Variants in NUP210 observed in about 807,000 individuals in gnomAD.
NUP210 encodes nuclear pore membrane glycoprotein 210.
A neutral mutation model predicts 196.0 loss-of-function variants in NUP210; 151 were observed. The observed-to-expected ratio is 0.77, with a 90% CI of 0.67 to 0.88. The LOEUF (loss-of-function observed/expected upper bound fraction) is 0.88, where lower values mean the gene tolerates loss of function less well. Among genes scored for constraint, NUP210 ranks in the 40% least tolerant of loss-of-function variants. The pLI is 0.00. For synonymous variants in NUP210, 1,070 were observed against 1,052.7 expected, an observed-to-expected ratio of 1.02 and a Z score of -0.32; for missense variants, 2,314 against 2,493.7, an observed-to-expected ratio of 0.93 and a Z score of 1.53.
At chr3:13,375,386 G>C (rs1698865849) in intron 11 of NUP210, 118 bp downstream of exon 11, 1 of 978,882 alleles carries the variant, frequency 1.0e-6, no homozygotes, top group African/African-American at 1.6e-5. Flanking sequence ...TAAAGACTGT[G>C]ATTTAAAATT....
At chr3:13,332,739 A>T (rs547510847) in intron 28 of NUP210, among the ~76,000 whole-genome samples, 2 of 110,156 alleles carry the variant, frequency 1.8e-5, no homozygotes, top group Non-Finnish European at 4.0e-5. Context: ...ACACACACAC[A>T]CACATGGCCA....
Position 13,335,631 on chromosome 3 carries a change from C to T in NUP210, c.3685-19G>A, listed in dbSNP as rs771872535. On this transcript the variant is annotated intron_variant, in intron 27 of 39. Coordinates refer to ENST00000254508, the MANE Select transcript of NUP210 (RefSeq NM_024923.4). Reference sequence around the variant, plus strand: ...TCGACGCCTGGGAAGACATCAAACACGTTTTCAGGGGTAAGGCCCAGGCCC... The same window carrying T: ...TCGACGCCTGGGAAGACATCAAACATGTTTTCAGGGGTAAGGCCCAGGCCC... 56 of 1,612,424 alleles carry T rather than the reference C, an allele frequency of 3.5e-5. 1 individual carries two copies. The South Asian group carries it at 4.2e-4, about 12-fold the overall frequency.
chr3:13,332,702 G>A (rs898744487), intron 28 of NUP210, among the ~76,000 whole-genome samples: 1 of 149,276 alleles, frequency 6.7e-6, no homozygotes, highest in African/African-American at 2.5e-5. Flanking sequence ...ACTCCAGTCT[G>A]AGCAACAGAG....
intron 16 of NUP210, among the ~76,000 whole-genome samples, chr3:13,357,320 T>C (rs1698202454): frequency 6.6e-6 from 1 of 152,162 alleles, no homozygotes; most frequent in Non-Finnish European, 1.5e-5. Context: ...CCCACTCCGC[T>C]CCTCCTGAGC....
In NUP210 at chr3:13,337,650, C is replaced by T. The variant is rs574521662; in HGVS notation, c.3552+187G>A. On this transcript the variant is annotated intron_variant, in intron 26 of 39. Transcript: ENST00000254508. ...GGGAAGGTGACAGGCCAGCAGGAAG[C>T]AGGCCTTCATCAGTGGCTACCAGAG... Among the ~76,000 whole-genome samples the T allele has an allele frequency of 2.6e-5, 4 of 152,312 alleles. 1 individual carries two copies. The highest frequency in any genetic ancestry group is 2.1e-4 in the South Asian group (1 of 4,826).
intron 12 of NUP210, among the ~76,000 whole-genome samples, chr3:13,372,903 G>A (rs2124911573): frequency 6.6e-6 from 1 of 152,302 alleles, no homozygotes; most frequent in East Asian, 1.9e-4. Context: ...AGGGGAAACT[G>A]GGGTGAGAGG....
rs1207406356 is a variant in NUP210 at position 13,388,283 on chromosome 3, C to A, written c.684+20G>T. 1.9e-6 allele frequency: 3 copies of A among 1,578,466 alleles called. No homozygotes were observed. The East Asian group carries it at 6.8e-5, about 36-fold the overall frequency. On this transcript the variant is annotated intron_variant, in intron 5 of 39. Coordinates refer to ENST00000254508, the MANE Select transcript of NUP210 (RefSeq NM_024923.4). ...TTCCACCCCAGGAAGCCCACTGACA[C>A]CCCAGCGCCCCAGGCCCACCTTGTA...
chr3:13,367,224 G>C (rs113943728), intron 13 of NUP210, among the ~76,000 whole-genome samples: 5,363 of 152,184 alleles, frequency 0.035, 143 homozygotes, highest in East Asian at 0.075. Context: ...ATCACCTGAG[G>C]TCGGGAGTTT....
chr3:13,387,471 CG>C (rs1699313697), intron 5 of NUP210, among the ~76,000 whole-genome samples: 1 of 152,222 alleles, frequency 6.6e-6, no homozygotes, highest in Non-Finnish European at 1.5e-5. Flanking sequence ...CAGAGTCCTA[CG>C]GGATTAGCCC....
Position 13,376,276 on chromosome 3 carries a change from G to T in NUP210, c.1293+15C>A. 1 of 1,612,888 alleles carries T rather than the reference G, an allele frequency of 6.2e-7. No homozygotes were observed. The highest frequency in any genetic ancestry group is 8.5e-7 in the Non-Finnish European group (1 of 1,179,944). The stretch of plus-strand genomic sequence containing the variant: ...TCATAGGACAAGGCACGACGCAGGG[G>T]AGACACCAACTTGCCTGGTCCACCA... On this transcript the variant is annotated intron_variant, in intron 10 of 39. Transcript: ENST00000254508.
At chr3:13,374,378 A>G (rs1210572471) in intron 11 of NUP210, among the ~76,000 whole-genome samples, 3 of 152,128 alleles carry the variant, frequency 2.0e-5, no homozygotes, top group Non-Finnish European at 4.4e-5. Flanking sequence ...TCGCACCAAT[A>G]CACTCAAACA....
chr3:13,416,481 G>A (rs931448704), intron 1 of NUP210, among the ~76,000 whole-genome samples: 3 of 152,192 alleles, frequency 2.0e-5, no homozygotes, highest in African/African-American at 2.4e-5. Context: ...TGGTCTCTTC[G>A]CCTGAAGGCA....
chr3:13,341,317 G>C (rs771213722), intron 23 of NUP210, among the ~76,000 whole-genome samples: 1 of 152,164 alleles, frequency 6.6e-6, no homozygotes, highest in South Asian at 2.1e-4. Context: ...CTCTGCTCAC[G>C]CAGCCCCTGT....
chr3:13,417,690 G>GA (rs1366056538), intron 1 of NUP210, among the ~76,000 whole-genome samples: 2 of 152,152 alleles, frequency 1.3e-5, no homozygotes, highest in Admixed American at 6.6e-5. Context: ...AGTTAAGGGG[G>GA]AATCACAATT....
At chr3:13,419,247 G>A (rs1419338889) in intron 1 of NUP210, among the ~76,000 whole-genome samples, 1 of 152,222 alleles carries the variant, frequency 6.6e-6, no homozygotes, top group Non-Finnish European at 1.5e-5. Flanking sequence ...GGCTGGGCTG[G>A]GAAGCTAAGG....
At chr3:13,333,838 G>A (rs1371526242) in intron 28 of NUP210, among the ~76,000 whole-genome samples, 1 of 152,128 alleles carries the variant, frequency 6.6e-6, no homozygotes, top group Non-Finnish European at 1.5e-5. Context: ...CTCTTTAGAT[G>A]GAGGGGGAGT....
At chr3:13,402,322 T>G (rs1240099167) in intron 1 of NUP210, among the ~76,000 whole-genome samples, 1 of 152,194 alleles carries the variant, frequency 6.6e-6, no homozygotes, top group Non-Finnish European at 1.5e-5. Flanking sequence ...TATGTATCAT[T>G]CGATGGCCCC....
rs1163329871 is a variant in NUP210 at position 13,379,340 on chromosome 3, C to T, written c.976+223G>A. On this transcript the variant is annotated intron_variant, in intron 7 of 39. Coordinates refer to ENST00000254508, the MANE Select transcript of NUP210 (RefSeq NM_024923.4). This position sits in a 1 kb window ranked among gnomAD's most constrained non-coding sequence, Gnocchi z 4.2. ...GTTTCTGGAGACGAGGAACGACACT[C>T]AGCTCCTGCCATCACCTCCCACCGC... is the stretch of plus-strand genomic sequence containing the variant. 6.6e-6 allele frequency among the ~76,000 whole-genome samples: 1 copy of T among 152,184 alleles called. No homozygotes were observed. Among genetic ancestry groups the T allele is most frequent in the Non-Finnish European group, 1.5e-5 (1 of 68,044 alleles).
chr3:13,369,472 T>C (rs1206232501), intron 13 of NUP210, among the ~76,000 whole-genome samples: 1 of 152,166 alleles, frequency 6.6e-6, no homozygotes, highest in Non-Finnish European at 1.5e-5. Flanking sequence ...TCTGGTGTTA[T>C]ACCTAAAAAA....
Sources: gnomAD v4.1 joint callset for allele counts (sites outside exome capture counted in the v4.1 genomes callset) on GRCh38, gnomAD v4.1.1 for gene constraint, Gnocchi (gnomAD v3.1) non-coding constraint, MANE v1.5 for transcripts, NCBI Gene and HGNC (gene_info 2026-07-23, HGNC 2026-07-21) for gene names.